The following DLG2 variants were observed in gnomAD, a reference collection of about 807,000 sequenced individuals.
DLG2 encodes the protein disks large homolog 2.
Under a neutral mutation model 132.5 loss-of-function variants are expected in DLG2, and 45 were observed. That is an observed-to-expected ratio of 0.34 (90% confidence interval 0.27 to 0.44). The LOEUF is 0.44. DLG2 is among the 20% of genes least tolerant of loss of function. The pLI is 1.00. For synonymous variants in DLG2, 424 were observed against 419.6 expected (o/e 1.01, Z -0.13); for missense variants, 1,045 against 1,196.9 (o/e 0.87, Z 1.87).
At chr11:84,028,052 T>TA (rs368079509) in intron 11 of DLG2, among the ~76,000 whole-genome samples, 6,986 of 146,450 alleles carry the variant, frequency 0.048, 524 homozygotes, top group African/African-American at 0.17. Flanking sequence ...TTGTCCAGAT[T>TA]AAAAAAAAAA....
At chr11:83,747,069 C>T (rs2092962818) in intron 18 of DLG2, among the ~76,000 whole-genome samples, 1 of 151,944 alleles carries the variant, frequency 6.6e-6, no homozygotes, top group African/African-American at 2.4e-5. Flanking sequence ...TAAACAGTAC[C>T]TTGGAATATT....
chr11:85,040,870 T>G (rs117543415), intron 6 of DLG2, among the ~76,000 whole-genome samples: 3,420 of 151,908 alleles, frequency 0.023, 49 homozygotes, highest in Non-Finnish European at 0.034. Context: ...TACCATAAAG[T>G]AGGAACTAGT....
intron 17 of DLG2, among the ~76,000 whole-genome samples, chr11:83,797,756 G>C (rs1236918688): frequency 2.0e-5 from 3 of 152,078 alleles, no homozygotes; most frequent in African/African-American, 7.2e-5. Flanking sequence ...CTGACCTTGT[G>C]ATCCGCCCGC....
At chr11:84,902,507 T>C (rs1321058898) in intron 6 of DLG2, among the ~76,000 whole-genome samples, 2 of 152,178 alleles carry the variant, frequency 1.3e-5, no homozygotes, top group Non-Finnish European at 2.9e-5. Flanking sequence ...CTTTCAGATA[T>C]AGATCTGATC....
chr11:83,874,275 G>A, intron 16 of DLG2, 145 bp downstream of exon 16: 2 of 305,158 alleles, frequency 6.6e-6, no homozygotes, highest in Middle Eastern at 3.6e-4. Flanking sequence ...AAGGAAGGAA[G>A]GGGAGAAGGA....
intron 15 of DLG2, among the ~76,000 whole-genome samples, chr11:83,889,622 G>A (rs2069062033): frequency 1.3e-5 from 2 of 152,112 alleles, no homozygotes; most frequent in South Asian, 4.1e-4. Context: ...TATACCCAAA[G>A]GACTATAAAT....
intron 6 of DLG2, among the ~76,000 whole-genome samples, chr11:85,061,198 C>A (rs1304959915): frequency 2.0e-5 from 3 of 151,864 alleles, no homozygotes; most frequent in Admixed American, 2.0e-4. Flanking sequence ...TCTGTTGTTT[C>A]CTTTGCTGTG....
intron 6 of DLG2, chr11:84,955,517 T>C (rs1159359111): frequency 6.6e-6 from 1 of 152,158 alleles, no homozygotes; most frequent in Non-Finnish European, 1.5e-5. Context: ...TTAGACTTCA[T>C]GCAACATGAC....
At position 84,569,554 on chromosome 11, in the gene DLG2, G is replaced by C. The variant is rs113013715; in HGVS notation, c.358-34823C>G. 2.2e-4 allele frequency among the ~76,000 whole-genome samples: 33 copies of C among 152,086 alleles called. 1 individual carries two copies. The highest frequency in any genetic ancestry group is 6.8e-3 in the Middle Eastern group (2 of 294). On this transcript the variant is annotated intron_variant, in intron 6 of 27. Transcript: ENST00000376104. ...AAAATAAAATAATAAAAAAGAACCAGATAGAAATCCTAGAGATGAAGAATA... is the reference window on the plus strand; with the variant it reads ...AAAATAAAATAATAAAAAAGAACCACATAGAAATCCTAGAGATGAAGAATA...
intron 7 of DLG2, among the ~76,000 whole-genome samples, chr11:84,414,407 A>G (rs906420913): frequency 6.6e-6 from 1 of 152,200 alleles, no homozygotes; most frequent in African/African-American, 2.4e-5. Flanking sequence ...CTGCATAACC[A>G]TAAAAGAAAT....
chr11:84,756,666 C>T (rs956999493), intron 6 of DLG2, among the ~76,000 whole-genome samples: 4 of 152,136 alleles, frequency 2.6e-5, no homozygotes, highest in Non-Finnish European at 4.4e-5. Flanking sequence ...TTTCTTTCCT[C>T]GTCTCTGAGT....
intron 9 of DLG2, among the ~76,000 whole-genome samples, chr11:84,161,272 G>A (rs2095540909): frequency 6.6e-6 from 1 of 152,096 alleles, no homozygotes; most frequent in Non-Finnish European, 1.5e-5. Flanking sequence ...CATGCTAGGT[G>A]GGGAGGGAAG....
At chr11:83,950,086 T>C (rs533132613) in intron 14 of DLG2, among the ~76,000 whole-genome samples, 1 of 152,160 alleles carries the variant, frequency 6.6e-6, no homozygotes, top group Non-Finnish European at 1.5e-5. Flanking sequence ...TTAGTCAACA[T>C]CAGTTACCTC....
At chr11:83,913,168 C>CATACAGAATATG (rs2076354185) in intron 15 of DLG2, among the ~76,000 whole-genome samples, 1 of 151,920 alleles carries the variant, frequency 6.6e-6, no homozygotes, top group Non-Finnish European at 1.5e-5. Flanking sequence ...AGAATATGCC[C>CATACAGAATATG]TCGATTATAG....
intron 9 of DLG2, among the ~76,000 whole-genome samples, chr11:84,141,088 A>G (rs1210402497): frequency 1.3e-5 from 2 of 152,292 alleles, no homozygotes; most frequent in East Asian, 3.9e-4. Flanking sequence ...CCAAACTTCA[A>G]TAAACAATAG....
chr11:85,298,244 G>A (rs2079366388), intron 3 of DLG2, among the ~76,000 whole-genome samples: 1 of 152,126 alleles, frequency 6.6e-6, no homozygotes, highest in Admixed American at 6.5e-5. Flanking sequence ...GTGTTAGACT[G>A]GAACTGGAGT....
At chr11:85,081,839 T>C (rs1193371571) in intron 6 of DLG2, among the ~76,000 whole-genome samples, 1 of 152,148 alleles carries the variant, frequency 6.6e-6, no homozygotes, top group Non-Finnish European at 1.5e-5. Context: ...TATACAGCTG[T>C]CTATAAAGAA....
At chr11:84,130,238 G>GT (rs2094356967) in intron 9 of DLG2, among the ~76,000 whole-genome samples, 2 of 151,762 alleles carry the variant, frequency 1.3e-5, no homozygotes, top group African/African-American at 4.8e-5. Context: ...TTCAAAGTAA[G>GT]TCAACCTATG....
At chr11:85,502,506 T>C (rs1250409208) in intron 3 of DLG2, among the ~76,000 whole-genome samples, 1 of 152,076 alleles carries the variant, frequency 6.6e-6, no homozygotes, top group Non-Finnish European at 1.5e-5. Context: ...TGCAGGGACA[T>C]GGATGAAGGT....
Sources: gnomAD v4.1 joint callset for allele counts (sites outside exome capture counted in the v4.1 genomes callset) on GRCh38, gnomAD v4.1.1 for gene constraint, MANE v1.5 for transcripts, NCBI Gene and HGNC (gene_info 2026-07-23, HGNC 2026-07-21) for gene names.